ANKS1B: variants seen among roughly 807,000 people sequenced by gnomAD.
ANKS1B encodes the protein ankyrin repeat and sterile alpha motif domain-containing protein 1B.
ANKS1B carries 36 observed loss-of-function variants against 148.3 expected under a neutral mutation model. The ratio of observed to expected loss-of-function variants is 0.24; its 90% CI spans 0.19 to 0.32. The LOEUF (loss-of-function observed/expected upper bound fraction) is 0.32. Ranked by LOEUF, ANKS1B falls within the 10% of genes least tolerant of loss-of-function variation. The pLI is 1.00. For missense variants in ANKS1B, 1,157 were observed against 1,542.6 expected (o/e 0.75, Z 4.19); for synonymous variants, 542 against 560.8 (o/e 0.97, Z 0.47).
At chr12:99,161,680 T>C (rs767204747) in intron 14 of ANKS1B, among the ~76,000 whole-genome samples, 44 of 152,194 alleles carry the variant, frequency 2.9e-4, no homozygotes, top group Admixed American at 2.6e-3. Flanking sequence ...AAGAGCCCTG[T>C]TGAGGTCAAA....
Position 98,883,881 on chromosome 12 carries a change from G to T in ANKS1B, c.2779-51745C>A, listed in dbSNP as rs537452321. Among the ~76,000 whole-genome samples, 5 of 152,264 alleles carry T rather than the reference G, an allele frequency of 3.3e-5. No individual in the cohort carries two copies. The East Asian group carries it at 9.7e-4, about 29-fold the overall frequency. On this transcript the variant is annotated intron_variant, in intron 17 of 26. Transcript: ENST00000683438. Reference sequence around the variant, plus strand: ...ATTATTATTAGAAGTATTGGATCTAGAATCTGTTTTTTCGTTTCCAGAACA... The same window carrying T: ...ATTATTATTAGAAGTATTGGATCTATAATCTGTTTTTTCGTTTCCAGAACA...
chr12:99,018,195 G>A (rs1279949025), intron 17 of ANKS1B, among the ~76,000 whole-genome samples: 1 of 152,052 alleles, frequency 6.6e-6, no homozygotes, highest in Non-Finnish European at 1.5e-5. Flanking sequence ...TCAGAGGTGG[G>A]GCATTTACAA....
At chr12:99,167,954 A>G (rs2077350476) in intron 14 of ANKS1B, among the ~76,000 whole-genome samples, 1 of 152,240 alleles carries the variant, frequency 6.6e-6, no homozygotes, top group Admixed American at 6.5e-5. Flanking sequence ...CCAAAAGAAT[A>G]CATTCTGTAT....
chr12:99,345,175 T>C (rs2090489019), intron 12 of ANKS1B, among the ~76,000 whole-genome samples: 1 of 152,078 alleles, frequency 6.6e-6, no homozygotes, highest in African/African-American at 2.4e-5. Context: ...TACTGGGCAG[T>C]GACATTGGTT....
chr12:99,305,735 G>A (rs897428745), intron 12 of ANKS1B, among the ~76,000 whole-genome samples: 4 of 152,098 alleles, frequency 2.6e-5, no homozygotes, highest in Admixed American at 2.0e-4. Flanking sequence ...ACAGAAAGGA[G>A]CCTAGAATCA....
intron 1 of ANKS1B, among the ~76,000 whole-genome samples, chr12:99,870,279 T>A (rs2091337447): frequency 6.6e-6 from 1 of 152,204 alleles, no homozygotes; most frequent in Non-Finnish European, 1.5e-5. Context: ...GATTTCAATC[T>A]TTTTTATGGC....
intron 19 of ANKS1B, among the ~76,000 whole-genome samples, chr12:98,813,532 G>T (rs1006220895): frequency 2.8e-5 from 4 of 141,496 alleles, no homozygotes; most frequent in Non-Finnish European, 4.7e-5. Context: ...TTTAAGTTTT[G>T]TTTTTTTTTT....
chr12:99,126,326 C>T (rs911995536), intron 15 of ANKS1B, among the ~76,000 whole-genome samples: 2 of 152,096 alleles, frequency 1.3e-5, no homozygotes, highest in Non-Finnish European at 2.9e-5. Context: ...ATGAGCTTCC[C>T]TGGATGGCAG....
At chr12:99,832,400 C>G (rs2084154754) in intron 1 of ANKS1B, among the ~76,000 whole-genome samples, 1 of 152,018 alleles carries the variant, frequency 6.6e-6, no homozygotes, top group Non-Finnish European at 1.5e-5. Flanking sequence ...CCAGCCTGTC[C>G]AACATGGTGA....
intron 9 of ANKS1B, among the ~76,000 whole-genome samples, chr12:99,558,776 T>C (rs552575714): frequency 6.6e-6 from 1 of 152,302 alleles, no homozygotes; most frequent in East Asian, 1.9e-4. Context: ...TATCCAGGTC[T>C]AACAGTTGCC....
intron 10 of ANKS1B, among the ~76,000 whole-genome samples, chr12:99,500,666 G>A (rs997920344): frequency 6.6e-6 from 1 of 152,210 alleles, no homozygotes; most frequent in Non-Finnish European, 1.5e-5. Flanking sequence ...TCCAGGTAAG[G>A]TTAAGTACTC....
intron 8 of ANKS1B, among the ~76,000 whole-genome samples, chr12:99,735,092 A>G (rs956728717): frequency 2.6e-5 from 4 of 152,132 alleles, no homozygotes; most frequent in Non-Finnish European, 4.4e-5. Flanking sequence ...TGCTCTTATA[A>G]TCTCTCAGTT....
intron 17 of ANKS1B, among the ~76,000 whole-genome samples, chr12:98,833,874 C>T (rs1308499501): frequency 1.3e-5 from 2 of 152,166 alleles, no homozygotes; most frequent in African/African-American, 4.8e-5. Flanking sequence ...CGTTAATTAA[C>T]TTAAGGGTAA....
At chr12:98,989,670 T>C (rs1426003449) in intron 17 of ANKS1B, among the ~76,000 whole-genome samples, 1 of 152,144 alleles carries the variant, frequency 6.6e-6, no homozygotes, top group Non-Finnish European at 1.5e-5. Context: ...CCAGGCACGG[T>C]GGCTTGCTCC....
At chr12:99,374,025 C>T (rs1395809868) in intron 12 of ANKS1B, among the ~76,000 whole-genome samples, 1 of 152,210 alleles carries the variant, frequency 6.6e-6, no homozygotes, top group Non-Finnish European at 1.5e-5. Flanking sequence ...TTTGGATTTA[C>T]ACCATGCTGC....
intron 17 of ANKS1B, among the ~76,000 whole-genome samples, chr12:99,031,720 G>A (rs1360548359): frequency 6.6e-6 from 1 of 152,182 alleles, no homozygotes; most frequent in East Asian, 1.9e-4. Context: ...GTGCCATCAT[G>A]CTAAGGAGAG....
intron 1 of ANKS1B, among the ~76,000 whole-genome samples, chr12:99,955,833 A>C (rs1363071851): frequency 6.6e-6 from 1 of 152,240 alleles, no homozygotes; most frequent in African/African-American, 2.4e-5. Context: ...CTCACAGCTT[A>C]GTATATAAAA....
chr12:99,504,945 C>T (rs555270522), intron 9 of ANKS1B, among the ~76,000 whole-genome samples: 2 of 152,052 alleles, frequency 1.3e-5, no homozygotes, highest in African/African-American at 4.8e-5. Flanking sequence ...ACAGTCATCC[C>T]CAAGACTCTA....
intron 12 of ANKS1B, among the ~76,000 whole-genome samples, chr12:99,363,687 CA>C (rs2092611814): frequency 6.6e-6 from 1 of 152,060 alleles, no homozygotes; most frequent in Admixed American, 6.6e-5. Context: ...TTCCGACCTC[CA>C]AAAACCTGAC....
Sources: gnomAD v4.1 joint callset for allele counts (sites outside exome capture counted in the v4.1 genomes callset) on GRCh38, gnomAD v4.1.1 for gene constraint, MANE v1.5 for transcripts, NCBI Gene and HGNC (gene_info 2026-07-23, HGNC 2026-07-21) for gene names.